CXCL8: variants seen among roughly 807,000 people sequenced by gnomAD.
The protein encoded by CXCL8 is interleukin-8.
Under a neutral mutation model 10.9 loss-of-function variants are expected in CXCL8, and 12 were observed. That is an observed-to-expected ratio of 1.10 (90% CI 0.71 to 1.79). The LOEUF (loss-of-function observed/expected upper bound fraction) is 1.79. Ranked by LOEUF, CXCL8 falls within the 40% of genes most tolerant of loss-of-function variation. The pLI, the probability that CXCL8 is intolerant of heterozygous loss-of-function variation, is 0.00. For synonymous variants in CXCL8, 41 were observed against 39.6 expected, an observed-to-expected ratio of 1.03 and a Z score of -0.13; for missense variants, 145 against 113.4, an observed-to-expected ratio of 1.28 and a Z score of -1.26.
In CXCL8 at chr4:73,740,617, A is replaced by T. The variant is rs1729143017; in HGVS notation, c.-42A>T. ...CACACAAGCTTCTAGGACAAGAGCC[A>T]GGAAGAAACCACCGGAAGGAACCAT... On this transcript the variant is annotated 5_prime_UTR_variant, in exon 1 of 4. Transcript: ENST00000307407. 6.3e-7 allele frequency: 1 copy of T among 1,585,114 alleles called. No homozygotes were observed. The highest frequency in any genetic ancestry group is 8.7e-7 in the Non-Finnish European group (1 of 1,155,432).
Position 73,742,519 on chromosome 4 carries a change from A to C in CXCL8, c.*55A>C. 1 of 1,146,534 alleles carries C rather than the reference A, an allele frequency of 8.7e-7. No homozygotes were observed. Among genetic ancestry groups the C allele is most frequent in the South Asian group, 1.4e-5 (1 of 70,910 alleles). 71.0% of individuals were successfully genotyped at this position (1,146,534 alleles called of 1,614,324 possible). A position where few individuals can be genotyped will look rare whatever the true frequency, so the allele number is the denominator to read the frequency against. The stretch of plus-strand genomic sequence containing the variant: ...TCAGTGAAGATGCCAGTGAAACTTC[A>C]AGCAAATCTACTTCAACACTTCATG... On this transcript the variant is annotated 3_prime_UTR_variant, in exon 4 of 4. Coordinates refer to ENST00000307407, the MANE Select transcript of CXCL8 (RefSeq NM_000584.4).
Position 73,740,680 on chromosome 4 carries a change from G to C in CXCL8, c.22G>C (p.Ala8Pro), listed in dbSNP as rs1729146954. The C allele has an allele frequency of 1.9e-6, 3 of 1,613,520 alleles. No homozygotes were observed. Among genetic ancestry groups the C allele is most frequent in the Non-Finnish European group, 2.5e-6 (3 of 1,179,642 alleles). ...AAACATGACTTCCAAGCTGGCCGTG[G>C]CTCTCTTGGCAGCCTTCCTGATTTC... Reference protein sequence around the residue: MTSKLAVALLAAFLISAA... With the variant: MTSKLAVPLLAAFLISAA... Residue 8 changes from alanine to proline, a missense_variant, in exon 1 of 4, where the codon GCT becomes CCT. Coordinates refer to ENST00000307407, the MANE Select transcript of CXCL8 (RefSeq NM_000584.4).
rs142957504 is a variant in CXCL8 at position 73,741,668 on chromosome 4, C to G, written c.191C>G (p.Thr64Arg). ...GAGAGTGGACCACACTGCGCCAACACAGAAATTATGTAAGTACTTTAAAAA... is the reference window on the plus strand; with the variant it reads ...GAGAGTGGACCACACTGCGCCAACAGAGAAATTATGTAAGTACTTTAAAAA... ...VIESGPHCAN[T>R]EIIVKLSDGR... The change falls in exon 2 of 4, where the codon ACA (threonine) becomes AGA (arginine). Residue 64 changes from threonine to arginine, a missense_variant. By Grantham distance (71) the Thr-to-Arg change is moderately conservative. Transcript: ENST00000307407. The G allele has an allele frequency of 6.2e-7, 1 of 1,610,484 alleles. No individual in the cohort carries two copies. The highest frequency in any genetic ancestry group is 8.5e-7 in the Non-Finnish European group (1 of 1,178,704).
rs1302784827 is a variant in CXCL8 at position 73,743,457 on chromosome 4, GAAT to G, written c.*997_*999del. The G allele has an allele frequency of 2.9e-5, 6 of 203,802 alleles. 1 individual carries two copies. The highest frequency in any genetic ancestry group is 1.4e-4 in the African/African-American group (6 of 43,780). The allele number at this position is 203,802 out of a possible 1,614,324, so 12.6% of individuals were successfully genotyped here. ...GTTGGTAGTGCTGTGTTGAATTACG[GAAT>G]AATGAGTTAGAACTATTAAAACAGC... is the stretch of plus-strand genomic sequence containing the variant. On this transcript the variant is annotated 3_prime_UTR_variant, in exon 4 of 4. Coordinates refer to ENST00000307407, the MANE Select transcript of CXCL8 (RefSeq NM_000584.4).
Position 73,741,569 on chromosome 4 carries a change from A to C in CXCL8, c.92A>C (p.Glu31Ala), listed in dbSNP as rs138567132. The change falls in exon 2 of 4, where the codon GAA becomes GCA. Residue 31 changes from glutamate to alanine, a missense_variant. Transcript: ENST00000307407. ...EGAVLPRSAKELRCQCIKTYS... is the reference protein window; with the variant it reads ...EGAVLPRSAKALRCQCIKTYS... ...GCAGTTTTGCCAAGGAGTGCTAAAG[A>C]ACTTAGATGTCAGTGCATAAAGACA... 6.7e-5 allele frequency: 108 copies of C among 1,613,406 alleles called. No individual in the cohort carries two copies. Among genetic ancestry groups the C allele is most frequent in the Non-Finnish European group, 8.5e-5 (100 of 1,179,732 alleles).
In CXCL8 at chr4:73,742,846, C is replaced by T. The variant is rs958026930; in HGVS notation, c.*382C>T. 2 of 234,286 alleles carry T rather than the reference C, an allele frequency of 8.5e-6. No homozygotes were observed. Among genetic ancestry groups the T allele is most frequent in the Non-Finnish European group, 1.7e-5 (2 of 119,056 alleles). 14.5% of individuals were successfully genotyped at this position (234,286 alleles called of 1,614,324 possible). ...TGCTAGAATGTGATATTTGAAGCATCACATAAAAATGATGGGACAATAAAT... is the reference window on the plus strand; with the variant it reads ...TGCTAGAATGTGATATTTGAAGCATTACATAAAAATGATGGGACAATAAAT... On this transcript the variant is annotated 3_prime_UTR_variant, in exon 4 of 4. Coordinates refer to ENST00000307407, the MANE Select transcript of CXCL8 (RefSeq NM_000584.4).
At chr4:73,741,438 C>G in intron 1 of CXCL8, 104 bp from the exon 2 acceptor site, 2 of 1,054,146 alleles carry the variant, frequency 1.9e-6, no homozygotes, top group Non-Finnish European at 2.8e-6. Flanking sequence ...AAACATGATG[C>G]CTTCCATAGT....
rs990861106 is a variant in CXCL8 at position 73,741,961 on chromosome 4, T to C, written c.213T>C (p.Ser71=). The C allele has an allele frequency of 1.2e-6, 2 of 1,609,760 alleles. No individual in the cohort carries two copies. Among genetic ancestry groups the C allele is most frequent in the African/African-American group, 1.3e-5 (1 of 74,890 alleles). Residue 71 remains serine (S), a synonymous_variant, in exon 3 of 4, where the codon TCT becomes TCC. Coordinates refer to ENST00000307407, the MANE Select transcript of CXCL8 (RefSeq NM_000584.4). ...CANTEIIVKL[S]DGRELCLDPK... ...TTTCTTATTTCAGTGTAAAGCTTTCTGATGGAAGAGAGCTCTGTCTGGACC... is the reference window on the plus strand; with the variant it reads ...TTTCTTATTTCAGTGTAAAGCTTTCCGATGGAAGAGAGCTCTGTCTGGACC...
At chr4:73,742,278 C>T (rs1433896003) in intron 3 of CXCL8, 171 bp from the exon 4 acceptor site, 12 of 582,418 alleles carry the variant, frequency 2.1e-5, no homozygotes, top group Admixed American at 3.4e-5. Flanking sequence ...TTCTTTGTCA[C>T]TCCCAGTAGT....
chr4:73,741,292 A>T (rs906726088), intron 1 of CXCL8, among the ~76,000 whole-genome samples: 9 of 152,226 alleles, frequency 5.9e-5, no homozygotes, highest in African/African-American at 2.2e-4. Flanking sequence ...TACCATGAAG[A>T]TGTTGATATT....
rs1380125100 is a variant in CXCL8, at chr4:73,740,717, G to A, written c.59G>A (p.Cys20Tyr). The A allele has an allele frequency of 6.2e-6, 10 of 1,613,048 alleles. No individual in the cohort carries two copies. In the East Asian group the frequency reaches 2.2e-4, roughly 36 times the overall value. Residue 20 changes from cysteine (C) to tyrosine (Y), a missense_variant, in exon 1 of 4, where the codon TGT (cysteine) becomes TAT (tyrosine). Physicochemically the swap from Cys to Tyr is radical, Grantham distance 194. Coordinates refer to ENST00000307407, the MANE Select transcript of CXCL8 (RefSeq NM_000584.4). ...GCCTTCCTGATTTCTGCAGCTCTGTGTGAAGGTAAGCACATCTTTCTGACC... is the reference window on the plus strand; with the variant it reads ...GCCTTCCTGATTTCTGCAGCTCTGTATGAAGGTAAGCACATCTTTCTGACC... ...LAAFLISAAL[C>Y]EGAVLPRSAK...
chr4:73,740,831 C>T (rs1364225253), intron 1 of CXCL8, 109 bp downstream of exon 1: 1 of 871,860 alleles, frequency 1.1e-6, no homozygotes, highest in Non-Finnish European at 1.8e-6. Flanking sequence ...TATTCAGAAA[C>T]AGAATATAAT....
chr4:73,742,751 TA>T lies in CXCL8; in HGVS notation c.*288del. ...TTCCTAGATATTGCACGGGAGAATA[TA>T]CAAATAGCAAAATTGAGGCCAAGGG... is the stretch of plus-strand genomic sequence containing the variant. On this transcript the variant is annotated 3_prime_UTR_variant, in exon 4 of 4. Coordinates refer to ENST00000307407, the MANE Select transcript of CXCL8 (RefSeq NM_000584.4). 1 of 283,042 alleles carries T rather than the reference TA, an allele frequency of 3.5e-6. No individual in the cohort carries two copies. The allele number at this position is 283,042 out of a possible 1,614,324, so 17.5% of individuals were successfully genotyped here.
chr4:73,742,138 C>G (rs1298508817), intron 3 of CXCL8, 106 bp downstream of exon 3: 5 of 571,418 alleles, frequency 8.8e-6, no homozygotes, highest in Non-Finnish European at 1.4e-5. Flanking sequence ...CATTAGGTAT[C>G]TGCCTTTTTG....
rs941277388 is a variant in CXCL8 at position 73,742,746 on chromosome 4, G to T, written c.*282G>T. The stretch of plus-strand genomic sequence containing the variant: ...GGATTTTCCTAGATATTGCACGGGA[G>T]AATATACAAATAGCAAAATTGAGGC... On this transcript the variant is annotated 3_prime_UTR_variant, in exon 4 of 4. Coordinates refer to ENST00000307407, the MANE Select transcript of CXCL8 (RefSeq NM_000584.4). 1.4e-5 allele frequency: 4 copies of T among 287,926 alleles called. No individual in the cohort carries two copies. The highest frequency in any genetic ancestry group is 2.6e-5 in the Non-Finnish European group (4 of 153,430). The allele number at this position is 287,926 out of a possible 1,614,324, so 17.8% of individuals were successfully genotyped here.
intron 1 of CXCL8, 73 bp downstream of exon 1, chr4:73,740,795 G>A: frequency 8.4e-7 from 1 of 1,192,712 alleles, no homozygotes; most frequent in South Asian, 1.3e-5. Context: ...AGCTATTCTT[G>A]ATGCTTTGGT....
At chr4:73,742,287 G>C in intron 3 of CXCL8, 162 bp from the exon 4 acceptor site, 1 of 584,306 alleles carries the variant, frequency 1.7e-6, no homozygotes, top group Admixed American at 3.4e-5. Flanking sequence ...ACTCCCAGTA[G>C]TGTCCTATTT....
intron 1 of CXCL8, 61 bp from the exon 2 acceptor site, chr4:73,741,481 G>T: frequency 6.6e-7 from 1 of 1,513,430 alleles, no homozygotes; most frequent in Non-Finnish European, 9.1e-7. Context: ...TAGAAAGGAA[G>T]TAGCTGGCAG....
At chr4:73,740,792 C>T in intron 1 of CXCL8, 70 bp downstream of exon 1, 1 of 1,216,738 alleles carries the variant, frequency 8.2e-7, no homozygotes, top group Non-Finnish European at 1.2e-6. Flanking sequence ...CAAAGCTATT[C>T]TTGATGCTTT....
Sources: gnomAD v4.1 joint callset for allele counts (sites outside exome capture counted in the v4.1 genomes callset) on GRCh38, gnomAD v4.1.1 for gene constraint, MANE v1.5 for transcripts, NCBI Gene and HGNC (gene_info 2026-07-23, HGNC 2026-07-21) for gene names.